CC2D2B: variants seen among roughly 807,000 people sequenced by gnomAD.
CC2D2B encodes the protein protein CC2D2B.
CC2D2B carries 128 observed loss-of-function variants against 161.2 expected under a neutral mutation model. The ratio of observed to expected loss-of-function variants is 0.79; its 90% confidence interval spans 0.69 to 0.92. The LOEUF (loss-of-function observed/expected upper bound fraction) is 0.92, where lower values mean the gene tolerates loss of function less well. CC2D2B is among the 40% of genes least tolerant of loss of function. The pLI is 0.00. For synonymous variants in CC2D2B, 391 were observed against 449.8 expected, an observed-to-expected ratio of 0.87 and a Z score of 1.65; for missense variants, 1,173 against 1,375.1, an observed-to-expected ratio of 0.85 and a Z score of 2.32.
chr10:96,025,172 T>TAA (rs1564683838), intron 33 of CC2D2B, among the ~76,000 whole-genome samples: 12 of 17,620 alleles, frequency 6.8e-4, no homozygotes, highest in African/African-American at 2.3e-3. Flanking sequence ...TATATATATA[T>TAA]ATATATATAT....
intron 2 of CC2D2B, among the ~76,000 whole-genome samples, chr10:95,914,800 A>G (rs2098513011): frequency 6.6e-6 from 1 of 152,176 alleles, no homozygotes; most frequent in African/African-American, 2.4e-5. Context: ...AGTCTCAGGT[A>G]TTTCTTCATA....
chr10:95,938,394 T>C (rs954983035), intron 7 of CC2D2B, 175 bp from the exon 8 acceptor site: 3 of 607,140 alleles, frequency 4.9e-6, no homozygotes, highest in Non-Finnish European at 8.8e-6. Flanking sequence ...TATAGGCATA[T>C]GTATTTATAT....
intron 10 of CC2D2B, chr10:95,952,254 T>C (rs752374113): frequency 6.6e-6 from 1 of 152,210 alleles, no homozygotes; most frequent in Non-Finnish European, 1.5e-5. Context: ...CAAAGAGGGA[T>C]GTTGCTGATA....
At chr10:96,028,651 T>C (rs1469366570) in intron 34 of CC2D2B, among the ~76,000 whole-genome samples, 1 of 152,188 alleles carries the variant, frequency 6.6e-6, no homozygotes, top group Non-Finnish European at 1.5e-5. Flanking sequence ...AGGACATCAG[T>C]ATATTGAAGA....
chr10:95,918,845 C>A (rs567098156), intron 2 of CC2D2B: 1 of 151,990 alleles, frequency 6.6e-6, no homozygotes, highest in Admixed American at 6.6e-5. Flanking sequence ...TTTCAAATAG[C>A]CTGTCTTCAA....
In CC2D2B at chr10:95,989,831, TG is replaced by T. The variant is rs564467724; in HGVS notation, c.2379+1492del. ...TGAAACTACAGGTTTGGTAGTTTCA[TG>T]GGATAATTACTATAATCAAAGATAC... On this transcript the variant is annotated intron_variant, in intron 20 of 34. Transcript: ENST00000646931. Among the ~76,000 whole-genome samples, 202 of 152,316 alleles carry T rather than the reference TG, an allele frequency of 1.3e-3. 2 individuals carry two copies. Among genetic ancestry groups the T allele is most frequent in the Non-Finnish European group, 2.6e-3 (177 of 68,014 alleles).
intron 17 of CC2D2B, among the ~76,000 whole-genome samples, chr10:95,979,835 T>C (rs1409944215): frequency 6.6e-6 from 1 of 152,240 alleles, no homozygotes; most frequent in Non-Finnish European, 1.5e-5. Flanking sequence ...ATGGTGGTGA[T>C]GGTTGCACAA....
At chr10:95,989,391 C>T (rs1010170590) in intron 20 of CC2D2B, among the ~76,000 whole-genome samples, 2 of 152,174 alleles carry the variant, frequency 1.3e-5, no homozygotes, top group Non-Finnish European at 2.9e-5. Flanking sequence ...GGAATGTGGA[C>T]CGCTGTAGCT....
chr10:95,988,219 C>A, intron 19 of CC2D2B, 31 bp from the exon 20 acceptor site: 1 of 933,256 alleles, frequency 1.1e-6, no homozygotes, highest in Non-Finnish European at 1.4e-6. Context: ...TTGTTACATT[C>A]AAGAAGTGAA....
rs146676792 is a variant in CC2D2B, at chr10:96,004,131, A to C, written c.2850-21A>C. ...GATTTTGAGAAAATTAAGCATTTGA[A>C]TATATTTTTCTTATTTGCAGCTCAC... On this transcript the variant is annotated intron_variant, in intron 24 of 34. Transcript: ENST00000646931. 4.2e-4 allele frequency: 575 copies of C among 1,361,404 alleles called. 4 individuals carry two copies. The African/African-American group carries it at 7.8e-3, about 19-fold the overall frequency. 84.3% of individuals were successfully genotyped at this position (1,361,404 alleles called of 1,614,324 possible). A position where few individuals can be genotyped will look rare whatever the true frequency, so the allele number is the denominator to read the frequency against.
intron 15 of CC2D2B, 136 bp from the exon 16 acceptor site, chr10:95,971,930 G>A: frequency 2.3e-6 from 1 of 435,404 alleles, no homozygotes; most frequent in Non-Finnish European, 3.8e-6. Flanking sequence ...TCATAATCAT[G>A]TGGATGAAAT....
At chr10:95,952,606 C>A (rs1444653533) in intron 10 of CC2D2B, among the ~76,000 whole-genome samples, 1 of 151,998 alleles carries the variant, frequency 6.6e-6, no homozygotes, top group Non-Finnish European at 1.5e-5. Context: ...GACTCAAACT[C>A]CTGGGCTCAA....
intron 2 of CC2D2B, chr10:95,919,768 G>C (rs936098515): frequency 6.6e-6 from 1 of 152,148 alleles, no homozygotes; most frequent in Non-Finnish European, 1.5e-5. Context: ...TTCTGGCCCA[G>C]GGTGGGTTTA....
intron 17 of CC2D2B, among the ~76,000 whole-genome samples, chr10:95,978,206 T>C (rs1030939034): frequency 4.6e-5 from 7 of 152,236 alleles, no homozygotes; most frequent in African/African-American, 1.7e-4. Flanking sequence ...TTCTTCTTCC[T>C]GCTTAGCAGA....
intron 6 of CC2D2B, among the ~76,000 whole-genome samples, chr10:95,930,920 C>T (rs985209455): frequency 1.3e-5 from 2 of 152,140 alleles, no homozygotes; most frequent in South Asian, 2.1e-4. Flanking sequence ...AGCGAGGAGT[C>T]TCTCTTTTTC....
chr10:96,012,686 A>G lies in CC2D2B; in HGVS notation c.3383A>G (p.Gln1128Arg). 6.2e-7 allele frequency: 1 copy of G among 1,609,076 alleles called. No individual in the cohort carries two copies. Among genetic ancestry groups the G allele is most frequent in the Non-Finnish European group, 8.5e-7 (1 of 1,175,570 alleles). ...TATATCAAGGCATTAAATCCACCTC[A>G]GCAACTTCTGGATATATTTCTTCAC... ...TRYIKALNPP[Q>R]QLLDIFLHNS... Residue 1128 changes from glutamine to arginine, a missense_variant, in exon 28 of 35, where the codon CAG becomes CGG. Physicochemically the swap from Gln to Arg is conservative, Grantham distance 43 (BLOSUM62 1). This residue lies in a region of CC2D2B where 598 missense variants were observed against 693.2 expected (regional missense o/e 0.86). Transcript: ENST00000646931.
intron 22 of CC2D2B, among the ~76,000 whole-genome samples, chr10:95,995,006 C>T (rs10786255): frequency 0.1 from 15,501 of 152,108 alleles, 1,594 homozygotes; most frequent in East Asian, 0.57. Flanking sequence ...CCTTTTCTTC[C>T]CCTTTTTCTG....
chr10:95,996,976 T>A (rs2078254328), intron 24 of CC2D2B, among the ~76,000 whole-genome samples: 1 of 152,166 alleles, frequency 6.6e-6, no homozygotes, highest in South Asian at 2.1e-4. Context: ...GACACAGCAT[T>A]TGTCTCCTTT....
intron 24 of CC2D2B, among the ~76,000 whole-genome samples, chr10:95,998,252 C>G (rs1033652591): frequency 2.0e-5 from 3 of 152,048 alleles, no homozygotes; most frequent in East Asian, 3.9e-4. Flanking sequence ...ATCAATGAGC[C>G]AACATTGATA....
Sources: gnomAD v4.1 joint callset for allele counts (sites outside exome capture counted in the v4.1 genomes callset) on GRCh38, gnomAD v4.1.1 for gene constraint, gnomAD v4.1.1 regional missense constraint, MANE v1.5 for transcripts, NCBI Gene and HGNC (gene_info 2026-07-23, HGNC 2026-07-21) for gene names.